LRRC37A: variants seen among roughly 807,000 people sequenced by gnomAD.
LRRC37A encodes leucine rich repeat containing 37A.
In LRRC37A, 3 loss-of-function variants were observed where a neutral mutation model predicts 35.4. That is an observed-to-expected ratio of 0.08 (90% confidence interval 0.04 to 0.22). The LOEUF (loss-of-function observed/expected upper bound fraction) is 0.22. Ranked by LOEUF, LRRC37A falls within the 10% of genes least tolerant of loss-of-function variation. LRRC37A has a pLI of 1.00. For synonymous variants in LRRC37A, 23 were observed against 215.0 expected (o/e 0.11, Z 7.81); for missense variants, 67 against 565.3 (o/e 0.12, Z 8.94).
chr17:46,315,294 G>GT (rs1381177123), intron 5 of LRRC37A, among the ~76,000 whole-genome samples: 1 of 86,448 alleles, frequency 1.2e-5, no homozygotes, highest in East Asian at 2.4e-4. Flanking sequence ...GGAGGCTGCG[G>GT]TGGGAGGATT....
the LRRC37A span, among the ~76,000 whole-genome samples, chr17:46,249,290 AG>A: frequency 6.6e-6 from 1 of 152,210 alleles, no homozygotes; most frequent in Non-Finnish European, 1.5e-5. Context: ...GCTACTCAGG[AG>A]GCTGAGGCAC....
chr17:46,277,283 A>G, the LRRC37A span, among the ~76,000 whole-genome samples: 1 of 152,258 alleles, frequency 6.6e-6, no homozygotes, highest in East Asian at 1.9e-4. Context: ...TTGCTCCTTT[A>G]CCAAATTCCC....
At chr17:46,262,476 G>T in the LRRC37A span, among the ~76,000 whole-genome samples, 1 of 152,180 alleles carries the variant, frequency 6.6e-6, no homozygotes, top group Non-Finnish European at 1.5e-5. Flanking sequence ...GCTTCCCAAA[G>T]TCCTGGGATT....
At chr17:46,258,596 G>A in the LRRC37A span, among the ~76,000 whole-genome samples, 1 of 152,074 alleles carries the variant, frequency 6.6e-6, no homozygotes, top group Non-Finnish European at 1.5e-5. Context: ...ATCAATCAAT[G>A]AGTGGCTAAA....
At chr17:46,255,382 T>G in the LRRC37A span, among the ~76,000 whole-genome samples, 1 of 142,596 alleles carries the variant, frequency 7.0e-6, no homozygotes, top group South Asian at 2.2e-4. Flanking sequence ...TTTTTTTTTT[T>G]GAGATGGAGT....
the LRRC37A span, among the ~76,000 whole-genome samples, chr17:46,262,321 A>G: frequency 1.3e-5 from 2 of 152,208 alleles, no homozygotes; most frequent in Non-Finnish European, 2.9e-5. Flanking sequence ...GGCGTGAGCC[A>G]CTGCGCCCGG....
upstream of LRRC37A, among the ~76,000 whole-genome samples, chr17:46,291,237 G>A (rs573137450): frequency 3.3e-5 from 5 of 152,312 alleles, no homozygotes; most frequent in Admixed American, 6.5e-5. Flanking sequence ...ATGGTATAGC[G>A]GGTGCACACT....
intron 5 of LRRC37A, among the ~76,000 whole-genome samples, chr17:46,321,355 C>CAAA (rs1426399587): frequency 8.3e-5 from 2 of 24,016 alleles, no homozygotes; most frequent in Admixed American, 7.1e-4. Flanking sequence ...GACTCCGTCT[C>CAAA]AGAAAAAAAA....
chr17:46,271,800 C>T, the LRRC37A span, among the ~76,000 whole-genome samples: 5 of 152,116 alleles, frequency 3.3e-5, no homozygotes, highest in African/African-American at 4.8e-5. Flanking sequence ...CTTGCTGTGT[C>T]GCTCAGGCTG....
the LRRC37A span, among the ~76,000 whole-genome samples, chr17:46,263,626 G>A: frequency 1.0e-4 from 15 of 150,202 alleles, no homozygotes; most frequent in African/African-American, 2.9e-4. Context: ...AGGCTGAGCC[G>A]GGCAGATCAC....
the LRRC37A span, among the ~76,000 whole-genome samples, chr17:46,258,219 C>CTTTTTTTT: frequency 1.4e-5 from 2 of 147,138 alleles, no homozygotes; most frequent in Admixed American, 6.9e-5. Context: ...GAAAGAGATT[C>CTTTTTTTT]TTTTTTTTTT....
the LRRC37A span, among the ~76,000 whole-genome samples, chr17:46,269,958 T>C: frequency 5.9e-5 from 9 of 152,348 alleles, no homozygotes; most frequent in South Asian, 1.9e-3. Flanking sequence ...ATTCTAAACA[T>C]TTTTCAGTTG....
the LRRC37A span, among the ~76,000 whole-genome samples, chr17:46,249,898 G>A: frequency 5.3e-5 from 8 of 152,304 alleles, no homozygotes; most frequent in South Asian, 2.1e-4. Flanking sequence ...TCCACCTCCC[G>A]GGTTCAAGCA....
chr17:46,282,156 G>A, the LRRC37A span, among the ~76,000 whole-genome samples: 1 of 151,930 alleles, frequency 6.6e-6, no homozygotes, highest in African/African-American at 2.4e-5. Flanking sequence ...AGGCTGGAGT[G>A]CAGTGGCGCA....
the LRRC37A span, among the ~76,000 whole-genome samples, chr17:46,284,053 G>A: frequency 1.3e-5 from 2 of 152,208 alleles, no homozygotes; most frequent in African/African-American, 2.4e-5. Flanking sequence ...GTTTTATACC[G>A]AGACATTCCA....
rs1332409953 is a variant in LRRC37A at position 46,324,841 on chromosome 17, A to AAT, written c.3053+1825_3053+1826dup. Among the ~76,000 whole-genome samples, 10 of 74,680 alleles carry AAT rather than the reference A, an allele frequency of 1.3e-4. 4 individuals are homozygous for AAT. The highest frequency in any genetic ancestry group is 2.9e-4 in the Admixed American group (2 of 6,976). The allele number at this position is 74,680 out of a possible 152,430, so 49.0% of individuals were successfully genotyped here. ...GGTGACAGAGCAAGACCCTGTCTAA[A>AAT]ATATATATATATTTATATATATGTA... On this transcript the variant is annotated intron_variant, in intron 7 of 13. Transcript: ENST00000320254.
chr17:46,272,746 G>A, the LRRC37A span, among the ~76,000 whole-genome samples: 1 of 152,224 alleles, frequency 6.6e-6, no homozygotes, highest in Non-Finnish European at 1.5e-5. Flanking sequence ...AATTACTTTT[G>A]AAAGACTAAA....
chr17:46,275,722 A>G, the LRRC37A span, among the ~76,000 whole-genome samples: 1 of 152,246 alleles, frequency 6.6e-6, no homozygotes, highest in Non-Finnish European at 1.5e-5. Context: ...TTACAGAAGC[A>G]TTACCATTGT....
the LRRC37A span, among the ~76,000 whole-genome samples, chr17:46,262,254 A>C: frequency 6.6e-6 from 1 of 152,218 alleles, no homozygotes; most frequent in Non-Finnish European, 1.5e-5. Context: ...CGGGCCTCTC[A>C]AACTCCTGAC....
Sources: gnomAD v4.1 joint callset for allele counts (sites outside exome capture counted in the v4.1 genomes callset) on GRCh38, gnomAD v4.1.1 for gene constraint, MANE v1.5 for transcripts, NCBI Gene and HGNC (gene_info 2026-07-23, HGNC 2026-07-21) for gene names.